SGCD: variants seen among roughly 807,000 people sequenced by gnomAD.
SGCD encodes delta-sarcoglycan.
SGCD carries 18 observed loss-of-function variants against 36.6 expected under a neutral mutation model. That is an observed-to-expected ratio of 0.49 (90% CI 0.34 to 0.73). SGCD has a LOEUF of 0.73. Among genes scored for constraint, SGCD ranks in the 30% least tolerant of loss-of-function variants. The pLI is 0.01. For synonymous variants in SGCD, 133 were observed against 130.6 expected, an observed-to-expected ratio of 1.02 and a Z score of -0.12; for missense variants, 387 against 346.7, an observed-to-expected ratio of 1.12 and a Z score of -0.92.
chr5:156,458,378 T>A, intron 3 of SGCD: 1 of 1,469,136 alleles, frequency 6.8e-7, no homozygotes, highest in Non-Finnish European at 9.4e-7. Context: ...TGTTTGCTTT[T>A]ACCAAAAAGG....
rs117123055 is a variant in SGCD at position 155,971,780 on chromosome 5, A to T, written c.-282+101356A>T. On this transcript the variant is annotated intron_variant, in intron 1 of 9. Coordinates refer to the SGCD transcript ENST00000517913. ...CAATTGTTTTTACCTGCATTGACTC[A>T]TTCGCTTTGCATGGTGGCTATCCTG... Among the ~76,000 whole-genome samples, 158 of 152,298 alleles carry T rather than the reference A, an allele frequency of 1.0e-3. 2 individuals carry two copies. The East Asian group carries it at 0.022, about 21-fold the overall frequency.
At chr5:156,358,777 AAACTC>A (rs1219295908) in intron 3 of SGCD, among the ~76,000 whole-genome samples, 1 of 152,230 alleles carries the variant, frequency 6.6e-6, no homozygotes. Flanking sequence ...TTAAAAATGA[AAACTC>A]AACAAAGGAA....
chr5:156,464,065 T>C (rs1470457698), intron 3 of SGCD, among the ~76,000 whole-genome samples: 2 of 152,208 alleles, frequency 1.3e-5, no homozygotes, highest in Admixed American at 6.5e-5. Flanking sequence ...TTGTATGCAC[T>C]GTCTTGTTTA....
chr5:156,601,160 T>C (rs529636502), intron 6 of SGCD, among the ~76,000 whole-genome samples: 33 of 152,340 alleles, frequency 2.2e-4, no homozygotes, highest in African/African-American at 7.0e-4. Flanking sequence ...TAATCCCATA[T>C]TTTTAACTTT....
At chr5:156,363,857 G>A (rs934798992) in intron 3 of SGCD, among the ~76,000 whole-genome samples, 2 of 152,066 alleles carry the variant, frequency 1.3e-5, no homozygotes, top group African/African-American at 4.8e-5. Context: ...ATTGCTTCAG[G>A]AGCTCTTTCA....
intron 4 of SGCD, among the ~76,000 whole-genome samples, chr5:156,531,978 C>T (rs1192133868): frequency 1.3e-5 from 2 of 152,090 alleles, no homozygotes; most frequent in African/African-American, 4.8e-5. Flanking sequence ...GACATGGTGA[C>T]AAGCGCCTGT....
At chr5:156,524,131 T>A (rs1757541972) in intron 4 of SGCD, among the ~76,000 whole-genome samples, 1 of 80,756 alleles carries the variant, frequency 1.2e-5, no homozygotes, top group South Asian at 4.1e-4. Flanking sequence ...TATATATATA[T>A]ATATATATAT....
rs1434072178 is a variant in SGCD at position 155,905,210 on chromosome 5, A to G, written c.-282+34786A>G. On this transcript the variant is annotated intron_variant, in intron 1 of 9. Coordinates refer to the SGCD transcript ENST00000517913. ...ATAGTTCCAGTTTAGCTAACTTTGG[A>G]CTTTACAAATATGCCATAAACAGCC... 2.0e-5 allele frequency among the ~76,000 whole-genome samples: 3 copies of G among 152,174 alleles called. No homozygotes were observed. The East Asian group carries it at 5.8e-4, about 29-fold the overall frequency.
At chr5:156,524,164 A>G (rs1355588554) in intron 4 of SGCD, among the ~76,000 whole-genome samples, 69 of 104,072 alleles carry the variant, frequency 6.6e-4, no homozygotes, top group Non-Finnish European at 1.1e-3. Flanking sequence ...ACATAAAACT[A>G]CAGTTTTATA....
rs1392105315 is a variant in SGCD at position 156,280,135 on chromosome 5, TA to T, written c.-43-49398del. Among the ~76,000 whole-genome samples, 4 of 152,152 alleles carry T rather than the reference TA, an allele frequency of 2.6e-5. No individual in the cohort carries two copies. In the East Asian group the frequency reaches 7.7e-4, roughly 29 times the overall value. ...GACCAATATGTGCCAATTTCAACAG[TA>T]TGCATTTTTGCCTGTGTTTTAATGA... On this transcript the variant is annotated intron_variant, in intron 3 of 9. Transcript: ENST00000517913.
chr5:156,016,605 AT>A (rs1275171388), intron 1 of SGCD, among the ~76,000 whole-genome samples: 1 of 152,040 alleles, frequency 6.6e-6, no homozygotes, highest in Non-Finnish European at 1.5e-5. Flanking sequence ...AGATACACAT[AT>A]GTTTTCTTAC....
intron 3 of SGCD, among the ~76,000 whole-genome samples, chr5:156,504,137 G>A (rs1756583622): frequency 6.6e-6 from 1 of 151,540 alleles, no homozygotes; most frequent in South Asian, 2.1e-4. Flanking sequence ...CTGGAAGGCG[G>A]AGGTTGCAGT....
intron 3 of SGCD, among the ~76,000 whole-genome samples, chr5:156,483,134 G>T (rs1162583728): frequency 1.3e-5 from 2 of 152,136 alleles, no homozygotes; most frequent in Non-Finnish European, 2.9e-5. Context: ...CTGGAGAAGA[G>T]CCTTCTGGGC....
At chr5:156,015,916 TA>T (rs1758966711) in intron 1 of SGCD, among the ~76,000 whole-genome samples, 2 of 149,026 alleles carry the variant, frequency 1.3e-5, no homozygotes, top group Non-Finnish European at 3.0e-5. Flanking sequence ...TATATATATA[TA>T]TCATCCATAT....
the SGCD span, among the ~76,000 whole-genome samples, chr5:155,814,287 C>T: frequency 0.053 from 8,100 of 152,264 alleles, 488 homozygotes; most frequent in African/African-American, 0.15. Context: ...TCCTATTTCC[C>T]ATTTGTCTGG....
At chr5:155,849,018 A>ATT in the SGCD span, among the ~76,000 whole-genome samples, 1 of 151,844 alleles carries the variant, frequency 6.6e-6, no homozygotes, top group Non-Finnish European at 1.5e-5. Flanking sequence ...AGGCAAATAT[A>ATT]TTTTTTTCCA....
At chr5:156,033,963 T>A (rs1581053571) in intron 1 of SGCD, among the ~76,000 whole-genome samples, 1 of 152,144 alleles carries the variant, frequency 6.6e-6, no homozygotes, top group East Asian at 1.9e-4. Flanking sequence ...CTCACCAACT[T>A]TCTACCAAGG....
At chr5:155,885,818 A>T (rs1366518795) in intron 1 of SGCD, among the ~76,000 whole-genome samples, 1 of 152,236 alleles carries the variant, frequency 6.6e-6, no homozygotes, top group African/African-American at 2.4e-5. Flanking sequence ...TACACAGAAG[A>T]TCTACGTTGA....
chr5:156,317,339 T>C (rs1767545263), intron 3 of SGCD, among the ~76,000 whole-genome samples: 1 of 152,152 alleles, frequency 6.6e-6, no homozygotes, highest in Non-Finnish European at 1.5e-5. Flanking sequence ...TGGCTGCTGT[T>C]CTACTTTACA....
Sources: allele counts gnomAD v4.1 joint callset (sites outside exome capture counted in the v4.1 genomes callset), GRCh38; gene constraint gnomAD v4.1.1; transcripts MANE v1.5; gene names NCBI Gene and HGNC (gene_info 2026-07-23, HGNC 2026-07-21).